Variants in TANC2 observed in about 807,000 individuals in gnomAD.
TANC2 encodes the protein tetratricopeptide repeat, ankyrin repeat and coiled-coil containing 2, also known as protein TANC2.
A neutral mutation model predicts 210.5 loss-of-function variants in TANC2; 26 were observed. That is an observed-to-expected ratio of 0.12 (90% CI 0.09 to 0.17). The LOEUF (loss-of-function observed/expected upper bound fraction) is 0.17. Among genes scored for constraint, TANC2 ranks in the 10% least tolerant of loss-of-function variants. The pLI is 1.00. For missense variants in TANC2, 2,129 were observed against 2,608.9 expected (o/e 0.82, Z 4.01); for synonymous variants, 931 against 967.1 (o/e 0.96, Z 0.69).
chr17:63,347,942 A>AT lies in TANC2; in HGVS notation c.1808-3302dup, dbSNP rs532372324. Reference sequence around the variant, plus strand: ...CATCATACTTGGCTAATTTTTTTCTATTTTTTGTAAAGATAGTGTCTCACG... The same window carrying AT: ...CATCATACTTGGCTAATTTTTTTCTATTTTTTTGTAAAGATAGTGTCTCACG... On this transcript the variant is annotated intron_variant, in intron 12 of 27. Transcript: ENST00000689528. 1.2e-3 allele frequency among the ~76,000 whole-genome samples: 189 copies of AT among 152,028 alleles called. 1 individual carries two copies. The highest frequency in any genetic ancestry group is 4.4e-3 in the African/African-American group (181 of 41,470).
In TANC2 at chr17:63,107,376, C is replaced by T. The variant is rs1567727791; in HGVS notation, c.322+8019C>T. 4.6e-5 allele frequency among the ~76,000 whole-genome samples: 7 copies of T among 151,538 alleles called. No homozygotes were observed. In the East Asian group the frequency reaches 1.4e-3, roughly 29 times the overall value. On this transcript the variant is annotated intron_variant, in intron 4 of 27. Coordinates refer to ENST00000689528, the Ensembl canonical transcript of TANC2. ...GTATTATTTGCAATAATATTAAACA[C>T]AAATAAAAAAGTTTTATTTGATATT...
chr17:62,979,404 T>TCTGGCATGCCTTC (rs1211544172), intron 1 of TANC2, among the ~76,000 whole-genome samples: 1 of 152,230 alleles, frequency 6.6e-6, no homozygotes. Flanking sequence ...GGCATGTCTT[T>TCTGGCATGCCTTC]CTGGCATGCC....
At chr17:63,252,315 A>G (rs1382112121) in intron 8 of TANC2, among the ~76,000 whole-genome samples, 1 of 152,144 alleles carries the variant, frequency 6.6e-6, no homozygotes, top group Non-Finnish European at 1.5e-5. Context: ...TAATAATCAC[A>G]TCAGAGTAAA....
intron 4 of TANC2, among the ~76,000 whole-genome samples, chr17:63,134,929 A>G (rs1309190182): frequency 6.6e-6 from 1 of 152,172 alleles, no homozygotes; most frequent in South Asian, 2.1e-4. Context: ...AATTTTGACA[A>G]CACAAGAACA....
At chr17:63,346,963 C>G (rs1241806461) in intron 12 of TANC2, among the ~76,000 whole-genome samples, 2 of 152,054 alleles carry the variant, frequency 1.3e-5, no homozygotes, top group African/African-American at 4.8e-5. Context: ...GCCTCAGCCT[C>G]TCAGAGTGCT....
chr17:63,075,660 G>A (rs776041412), intron 3 of TANC2, among the ~76,000 whole-genome samples: 1 of 152,042 alleles, frequency 6.6e-6, no homozygotes. Flanking sequence ...AGCCTCCTGG[G>A]TAGATGGGAT....
chr17:63,119,794 C>G (rs2038391931), intron 4 of TANC2, among the ~76,000 whole-genome samples: 1 of 152,134 alleles, frequency 6.6e-6, no homozygotes, highest in South Asian at 2.1e-4. Flanking sequence ...ATGGGAAGAT[C>G]CCTTGAGGCC....
chr17:63,064,928 T>G (rs2036141840), intron 2 of TANC2, among the ~76,000 whole-genome samples: 1 of 152,086 alleles, frequency 6.6e-6, no homozygotes, highest in Admixed American at 6.5e-5. Context: ...TTTAAAGAAT[T>G]ATGCAGTGCA....
chr17:63,086,448 T>C (rs1483259107), intron 3 of TANC2, among the ~76,000 whole-genome samples: 3 of 152,202 alleles, frequency 2.0e-5, no homozygotes, highest in Non-Finnish European at 4.4e-5. Flanking sequence ...AAGCTCAGAC[T>C]CTTTCCTCAG....
intron 5 of TANC2, among the ~76,000 whole-genome samples, chr17:63,167,007 G>C (rs2040232756): frequency 6.6e-6 from 1 of 151,674 alleles, no homozygotes; most frequent in Admixed American, 6.6e-5. Flanking sequence ...AGGAAGGAGA[G>C]GGAAAAGAAT....
At chr17:63,243,933 A>AC (rs2042846367) in intron 8 of TANC2, among the ~76,000 whole-genome samples, 1 of 152,170 alleles carries the variant, frequency 6.6e-6, no homozygotes, top group African/African-American at 2.4e-5. Context: ...AGTCTTTTTT[A>AC]CATTATAAAC....
chr17:63,219,846 A>G (rs939943424), intron 7 of TANC2, among the ~76,000 whole-genome samples: 5 of 152,214 alleles, frequency 3.3e-5, no homozygotes, highest in Admixed American at 2.6e-4. Flanking sequence ...ACGACCTGAT[A>G]TTATCATTTG....
rs565207808 is a variant in TANC2, at chr17:63,033,479, C to A, written c.67+23853C>A. ...GTGTCTATTACTGGGTGACTGAGAT[C>A]AAATATTATAATAAAAGATGCCCTT... is the stretch of plus-strand genomic sequence containing the variant. On this transcript the variant is annotated intron_variant, in intron 2 of 27. Transcript: ENST00000689528. 7.3e-4 allele frequency among the ~76,000 whole-genome samples: 111 copies of A among 152,164 alleles called. 1 individual carries two copies. Among genetic ancestry groups the A allele is most frequent in the Admixed American group, 1.2e-3 (19 of 15,252 alleles).
intron 12 of TANC2, among the ~76,000 whole-genome samples, chr17:63,346,180 A>C (rs1438677524): frequency 6.6e-6 from 1 of 152,212 alleles, no homozygotes; most frequent in African/African-American, 2.4e-5. Context: ...TAATAGAAAA[A>C]ACATAGAATA....
rs983357854 is a variant in TANC2, at chr17:63,350,890, A to C, written c.1808-360A>C. ...TGTCAGATAGGGAAAAAAAAAAAAA[A>C]AAAACAGAACATGTTCTACTCAGCT... On this transcript the variant is annotated intron_variant, in intron 12 of 27. Transcript: ENST00000689528. 4.6e-5 allele frequency among the ~76,000 whole-genome samples: 7 copies of C among 152,012 alleles called. 1 individual carries two copies. In the South Asian group the frequency reaches 6.2e-4, roughly 14 times the overall value.
intron 5 of TANC2, among the ~76,000 whole-genome samples, chr17:63,175,532 CCAAAAA>C (rs2040548384): frequency 1.2e-5 from 1 of 82,648 alleles, no homozygotes; most frequent in Non-Finnish European, 2.3e-5. Flanking sequence ...GTCTCCCCCG[CCAAAAA>C]AAAAAAAAAA....
At chr17:63,416,151 A>T (rs980729231) in intron 26 of TANC2, among the ~76,000 whole-genome samples, 2 of 152,052 alleles carry the variant, frequency 1.3e-5, no homozygotes, top group African/African-American at 4.8e-5. Flanking sequence ...CTCTTTCCTC[A>T]TCTTTGTATC....
At chr17:63,111,330 G>T (rs1045296099) in intron 4 of TANC2, among the ~76,000 whole-genome samples, 4 of 152,082 alleles carry the variant, frequency 2.6e-5, no homozygotes, top group African/African-American at 9.7e-5. Context: ...TAAATAAGAT[G>T]TGTGTCAAGA....
At chr17:63,406,862 A>T (rs747966869) in intron 21 of TANC2, among the ~76,000 whole-genome samples, 19 of 152,224 alleles carry the variant, frequency 1.2e-4, no homozygotes, top group Non-Finnish European at 2.5e-4. Context: ...TGTGCATAAC[A>T]GTGGCTGCTG....
Sources: gnomAD v4.1 joint callset for allele counts (sites outside exome capture counted in the v4.1 genomes callset) on GRCh38, gnomAD v4.1.1 for gene constraint, MANE v1.5 for transcripts, NCBI Gene and HGNC (gene_info 2026-07-23, HGNC 2026-07-21) for gene names.